PLEKHA6: variants seen among roughly 807,000 people sequenced by gnomAD.
The protein encoded by PLEKHA6 is pleckstrin homology domain-containing family A member 6.
Under a neutral mutation model 116.7 loss-of-function variants are expected in PLEKHA6, and 60 were observed. That is an observed-to-expected ratio of 0.51 (90% CI 0.42 to 0.64). The LOEUF is 0.64. Among genes scored for constraint, PLEKHA6 ranks in the 30% least tolerant of loss-of-function variants. The pLI, the probability that PLEKHA6 is intolerant of heterozygous loss-of-function variation, is 0.00. For synonymous variants in PLEKHA6, 489 were observed against 556.1 expected (o/e 0.88, Z 1.70); for missense variants, 1,338 against 1,422.7 (o/e 0.94, Z 0.96).
chr1:204,339,131 C>A (rs987862520), intron 1 of PLEKHA6, among the ~76,000 whole-genome samples: 2 of 152,234 alleles, frequency 1.3e-5, no homozygotes. Flanking sequence ...GTCCAAGCCA[C>A]GTGGAGAGGC....
chr1:204,352,964 G>A (rs769762778), intron 1 of PLEKHA6, among the ~76,000 whole-genome samples: 5 of 152,170 alleles, frequency 3.3e-5, no homozygotes, highest in Non-Finnish European at 5.9e-5. Flanking sequence ...CAGCCTGGGG[G>A]ACAGAGTGAG....
chr1:204,251,920 G>A (rs1664625860), intron 9 of PLEKHA6, among the ~76,000 whole-genome samples: 1 of 152,142 alleles, frequency 6.6e-6, no homozygotes, highest in African/African-American at 2.4e-5. Flanking sequence ...GGCCACGGTT[G>A]TCATCTCCCT....
At chr1:204,227,237 C>T (rs930700781) in intron 21 of PLEKHA6, among the ~76,000 whole-genome samples, 1 of 152,202 alleles carries the variant, frequency 6.6e-6, no homozygotes, top group Non-Finnish European at 1.5e-5. Flanking sequence ...ATGGCTCCCC[C>T]TTCTGAGTCA....
At chr1:204,372,815 T>C (rs912170629) in intron 1 of PLEKHA6, among the ~76,000 whole-genome samples, 1 of 151,860 alleles carries the variant, frequency 6.6e-6, no homozygotes, top group Non-Finnish European at 1.5e-5. Context: ...TCTGTTACCA[T>C]AGATTAGTTG....
At chr1:204,330,157 A>C (rs923157454) in intron 1 of PLEKHA6, among the ~76,000 whole-genome samples, 3 of 152,182 alleles carry the variant, frequency 2.0e-5, no homozygotes, top group African/African-American at 7.2e-5. Context: ...CCCTATCTTT[A>C]CACTTGATCT....
rs1036897163 is a variant in PLEKHA6 at position 204,221,876 on chromosome 1, G to A, written c.*912C>T. 6.6e-6 allele frequency: 1 copy of A among 152,546 alleles called. No individual in the cohort carries two copies. Among genetic ancestry groups the A allele is most frequent in the Non-Finnish European group, 1.5e-5 (1 of 68,350 alleles). 9.4% of individuals were successfully genotyped at this position (152,546 alleles called of 1,614,324 possible). A position where few individuals can be genotyped will look rare whatever the true frequency, so the allele number is the denominator to read the frequency against. On this transcript the variant is annotated 3_prime_UTR_variant, in exon 23 of 23. Coordinates refer to ENST00000272203, the MANE Select transcript of PLEKHA6 (RefSeq NM_014935.5). ...TCCTCCTAGGGATGAGGTGGGAGGA[G>A]CAGAGGAGACAGTCTGGCACTGCAC...
chr1:204,281,473 C>T (rs931243900), intron 1 of PLEKHA6, among the ~76,000 whole-genome samples: 2 of 152,028 alleles, frequency 1.3e-5, no homozygotes, highest in Middle Eastern at 3.4e-3. Context: ...TGCAGTGAGC[C>T]GAGATTGCGC....
chr1:204,301,488 C>T, intron 1 of PLEKHA6: 1 of 985,404 alleles, frequency 1.0e-6, no homozygotes, highest in Non-Finnish European at 1.2e-6. Context: ...AGAGTCCAAA[C>T]ACGCCACCCA....
At chr1:204,317,550 C>T (rs1671906254) in intron 1 of PLEKHA6, among the ~76,000 whole-genome samples, 1 of 152,194 alleles carries the variant, frequency 6.6e-6, no homozygotes, top group East Asian at 1.9e-4. Flanking sequence ...AGATCTCCAC[C>T]CACCTTTGAA....
chr1:204,361,719 G>C (rs1673564481), upstream of PLEKHA6, among the ~76,000 whole-genome samples: 4 of 152,252 alleles, frequency 2.6e-5, no homozygotes, highest in Admixed American at 1.3e-4. Context: ...CAACTCACCT[G>C]CCCTGGCTCT....
chr1:204,267,930 G>A (rs1667015536), intron 4 of PLEKHA6, among the ~76,000 whole-genome samples: 1 of 152,148 alleles, frequency 6.6e-6, no homozygotes, highest in South Asian at 2.1e-4. Context: ...GAGCTAGTGG[G>A]TTGTTCCCAT....
chr1:204,282,546 G>T (rs532348278), intron 1 of PLEKHA6: 132 of 650,148 alleles, frequency 2.0e-4, no homozygotes, highest in Middle Eastern at 7.7e-4. Flanking sequence ...TTAATGCCTG[G>T]CACCACAGGG....
chr1:204,367,329 C>G (rs1452906050), intron 3 of PLEKHA6, among the ~76,000 whole-genome samples: 1 of 152,202 alleles, frequency 6.6e-6, no homozygotes, highest in African/African-American at 2.4e-5. Context: ...TCGCAGATGC[C>G]CCCATCCACA....
chr1:204,364,828 C>T (rs1056697891), upstream of PLEKHA6, among the ~76,000 whole-genome samples: 3 of 152,196 alleles, frequency 2.0e-5, no homozygotes, highest in Admixed American at 6.5e-5. Context: ...GAATCCGAAA[C>T]TCTAGGGGTA....
chr1:204,369,682 A>ATCTTAACC (rs1334671017), intron 2 of PLEKHA6: 3 of 152,188 alleles, frequency 2.0e-5, no homozygotes, highest in Non-Finnish European at 2.9e-5. Flanking sequence ...CTCCGGGGGC[A>ATCTTAACC]TCTTAACCCC....
intron 1 of PLEKHA6, among the ~76,000 whole-genome samples, chr1:204,373,272 A>G (rs1673810109): frequency 6.6e-6 from 1 of 152,116 alleles, no homozygotes; most frequent in East Asian, 1.9e-4. Flanking sequence ...GTGTATTTTC[A>G]GTAGAGACGG....
chr1:204,317,366 TCGGAGAG>T (rs988441403), intron 1 of PLEKHA6: 21 of 182,710 alleles, frequency 1.1e-4, no homozygotes, highest in Non-Finnish European at 1.9e-4. Flanking sequence ...CCAGGCCTCT[TCGGAGAG>T]TTTATCAGCA....
At chr1:204,270,459 G>A (rs1667330829) in intron 3 of PLEKHA6, among the ~76,000 whole-genome samples, 1 of 152,060 alleles carries the variant, frequency 6.6e-6, no homozygotes, top group South Asian at 2.1e-4. Context: ...TTCTAACCAA[G>A]CCTGTTCTGC....
upstream of PLEKHA6, among the ~76,000 whole-genome samples, chr1:204,360,392 C>G (rs961708076): frequency 1.3e-5 from 2 of 151,400 alleles, no homozygotes; most frequent in African/African-American, 4.8e-5. Context: ...CGCCCCCCCC[C>G]CAATATGGTG....
Sources: allele counts gnomAD v4.1 joint callset (sites outside exome capture counted in the v4.1 genomes callset), GRCh38; gene constraint gnomAD v4.1.1; transcripts MANE v1.5; gene names NCBI Gene and HGNC (gene_info 2026-07-23, HGNC 2026-07-21).